Variants in ATP8A2 observed in about 807,000 individuals in gnomAD.
ATP8A2 encodes the protein phospholipid-transporting ATPase IB.
Under a neutral mutation model 165.6 loss-of-function variants are expected in ATP8A2, and 100 were observed. The ratio of observed to expected loss-of-function variants is 0.60; its 90% CI spans 0.51 to 0.71. ATP8A2 has a LOEUF of 0.71. ATP8A2 is among the 30% of genes least tolerant of loss of function. ATP8A2 has a pLI of 0.00. For synonymous variants in ATP8A2, 543 were observed against 548.8 expected, an observed-to-expected ratio of 0.99 and a Z score of 0.15; for missense variants, 1,227 against 1,479.5, an observed-to-expected ratio of 0.83 and a Z score of 2.80.
intron 27 of ATP8A2, among the ~76,000 whole-genome samples, chr13:25,824,331 C>T (rs1356951569): frequency 6.6e-6 from 1 of 152,130 alleles, no homozygotes; most frequent in Non-Finnish European, 1.5e-5. Flanking sequence ...TAACAATGAC[C>T]TCTTCCTATT....
chr13:25,665,014 G>A (rs992132523), intron 24 of ATP8A2, among the ~76,000 whole-genome samples: 3 of 151,134 alleles, frequency 2.0e-5, no homozygotes, highest in Non-Finnish European at 2.9e-5. Flanking sequence ...AAAAAAAGCC[G>A]TCGAGACCAG....
At chr13:25,642,935 C>T (rs1407734284) in intron 24 of ATP8A2, among the ~76,000 whole-genome samples, 1 of 152,074 alleles carries the variant, frequency 6.6e-6, no homozygotes, top group East Asian at 1.9e-4. Context: ...AAGCTGGAAA[C>T]CATTATTCTC....
At chr13:25,881,131 G>A (rs550044429) in intron 33 of ATP8A2, among the ~76,000 whole-genome samples, 1 of 152,116 alleles carries the variant, frequency 6.6e-6, no homozygotes, top group Non-Finnish European at 1.5e-5. Flanking sequence ...CTTTTGTTTG[G>A]GGGGCATTTT....
In ATP8A2 at chr13:26,024,763, T is replaced by C. The variant is rs1001710194; in HGVS notation, c.*4778T>C. On this transcript the variant is annotated 3_prime_UTR_variant, in exon 37 of 37. Transcript: ENST00000381655. The stretch of plus-strand genomic sequence containing the variant: ...GACCAAGAAAAACATGCTCTCAAGA[T>C]TAGCCCATAGGCAGTTCTTGTGACC... 6.6e-6 allele frequency: 1 copy of C among 152,198 alleles called. No individual in the cohort carries two copies. The highest frequency in any genetic ancestry group is 2.4e-5 in the African/African-American group (1 of 41,448). The allele number at this position is 152,198 out of a possible 1,614,324, so 9.4% of individuals were successfully genotyped here.
At chr13:25,543,654 C>T (rs2038554404) in intron 10 of ATP8A2, among the ~76,000 whole-genome samples, 1 of 152,164 alleles carries the variant, frequency 6.6e-6, no homozygotes, top group Non-Finnish European at 1.5e-5. Flanking sequence ...TCAATTCTAA[C>T]TTATTTTATC....
chr13:25,825,085 A>C (rs953065577), intron 27 of ATP8A2, among the ~76,000 whole-genome samples: 1 of 127,724 alleles, frequency 7.8e-6, no homozygotes, highest in African/African-American at 3.0e-5. Context: ...GTTTGCATCT[A>C]TTGTATATCA....
Position 25,695,995 on chromosome 13 carries a change from C to T in ATP8A2, c.2212-3178C>T, listed in dbSNP as rs76891030. Among the ~76,000 whole-genome samples the T allele has an allele frequency of 0.02, 2,975 of 152,302 alleles. 209 individuals carry two copies. In the East Asian group the frequency reaches 0.24, roughly 12 times the overall value. ...ATTGCTGTCTATGGTAGTATGAAATCTATTTCTTAAATAATAAGACTTAAA... is the reference window on the plus strand; with the variant it reads ...ATTGCTGTCTATGGTAGTATGAAATTTATTTCTTAAATAATAAGACTTAAA... On this transcript the variant is annotated intron_variant, in intron 24 of 36. Coordinates refer to ENST00000381655, the MANE Select transcript of ATP8A2 (RefSeq NM_016529.6).
Position 26,012,577 on chromosome 13 carries a change from C to T in ATP8A2, c.3424C>T (p.Pro1142Ser), listed in dbSNP as rs978321783. The T allele has an allele frequency of 3.3e-6, 5 of 1,529,740 alleles. No individual in the cohort carries two copies. Among genetic ancestry groups the T allele is most frequent in the Non-Finnish European group, 4.4e-6 (5 of 1,138,508 alleles). The allele number at this position is 1,529,740 out of a possible 1,614,324, so 94.8% of individuals were successfully genotyped here. Residue 1142 changes from proline to serine, a missense_variant, in exon 36 of 37, where the codon CCC becomes TCC. Around this residue, in one of 5 missense-constraint regions of ATP8A2, gnomAD observed 260 missense variants for 245.1 expected, o/e 1.06. Coordinates refer to ENST00000381655, the MANE Select transcript of ATP8A2 (RefSeq NM_016529.6). Reference protein sequence around the residue: ...RLIKRLGRKTPPTLFRGSSLQ... With the variant: ...RLIKRLGRKTSPTLFRGSSLQ... The stretch of plus-strand genomic sequence containing the variant: ...GATCAAGAGGCTGGGCCGGAAGACG[C>T]CCCCGACGCTGTTCCGGGGCAGCTC...
At position 25,742,101 on chromosome 13, in the gene ATP8A2, A is replaced by G. The variant is rs115896818; in HGVS notation, c.2385-26945A>G. 7.1e-3 allele frequency among the ~76,000 whole-genome samples: 1,089 copies of G among 152,330 alleles called. 14 individuals carry two copies. Among genetic ancestry groups the G allele is most frequent in the African/African-American group, 0.025 (1,022 of 41,572 alleles). On this transcript the variant is annotated intron_variant, in intron 25 of 36. Coordinates refer to ENST00000381655, the MANE Select transcript of ATP8A2 (RefSeq NM_016529.6). The stretch of plus-strand genomic sequence containing the variant: ...CACACAAACCTAGATGAGATAGCCT[A>G]CTACACACCTGGACTGTACGGAATA...
intron 24 of ATP8A2, among the ~76,000 whole-genome samples, chr13:25,616,334 T>C (rs1391144064): frequency 4.3e-5 from 6 of 138,812 alleles, no homozygotes; most frequent in African/African-American, 1.4e-4. Context: ...TTCTTTTTTT[T>C]TTTTTTTTTT....
intron 25 of ATP8A2, among the ~76,000 whole-genome samples, chr13:25,734,798 C>G (rs993482917): frequency 2.4e-4 from 37 of 151,682 alleles, no homozygotes; most frequent in African/African-American, 8.8e-4. Flanking sequence ...ATCACCACAC[C>G]TGGCTAATTT....
intron 25 of ATP8A2, among the ~76,000 whole-genome samples, chr13:25,723,415 C>T (rs1230657069): frequency 6.6e-6 from 1 of 152,084 alleles, no homozygotes; most frequent in Non-Finnish European, 1.5e-5. Context: ...GATGACATTC[C>T]TTATCTTTAG....
intron 1 of ATP8A2, among the ~76,000 whole-genome samples, chr13:25,467,086 C>T (rs1376225071): frequency 2.0e-5 from 3 of 152,210 alleles, no homozygotes; most frequent in South Asian, 2.1e-4. Flanking sequence ...TCTCTGCTGC[C>T]GCTTGTTGAT....
At chr13:25,711,562 A>T (rs3132338) in intron 25 of ATP8A2, among the ~76,000 whole-genome samples, 86,458 of 151,452 alleles carry the variant, frequency 0.57, 25,170 homozygotes, top group Middle Eastern at 0.66. Flanking sequence ...AAAAAAAAAA[A>T]TTTTTTTTAA....
intron 25 of ATP8A2, among the ~76,000 whole-genome samples, chr13:25,751,067 C>G (rs1417182653): frequency 6.6e-6 from 1 of 152,198 alleles, no homozygotes; most frequent in Non-Finnish European, 1.5e-5. Flanking sequence ...TAAAATTTAG[C>G]TTACTGTGCA....
At position 26,007,903 on chromosome 13, in the gene ATP8A2, G is replaced by A. The variant is rs568917273; in HGVS notation, c.3378-4628G>A. Among the ~76,000 whole-genome samples the A allele has an allele frequency of 4.2e-4, 64 of 152,298 alleles. 1 individual carries two copies. The South Asian group carries it at 7.7e-3, about 18-fold the overall frequency. ...CAAATTTTGTAGGGATGCCATTTTA[G>A]TGAAACAGAAACTAGAAAAATTTTT... On this transcript the variant is annotated intron_variant, in intron 35 of 36. Coordinates refer to ENST00000381655, the MANE Select transcript of ATP8A2 (RefSeq NM_016529.6).
intron 35 of ATP8A2, among the ~76,000 whole-genome samples, chr13:25,972,709 T>C (rs367754764): frequency 2.2e-4 from 34 of 152,308 alleles, no homozygotes; most frequent in African/African-American, 8.2e-4. Flanking sequence ...AAATTCTTTG[T>C]TTTTTAATGT....
intron 4 of ATP8A2, among the ~76,000 whole-genome samples, chr13:25,531,936 G>GAAGCA (rs1203476266): frequency 2.0e-5 from 3 of 152,114 alleles, no homozygotes; most frequent in East Asian, 1.9e-4. Context: ...TGTACACATC[G>GAAGCA]AAGCAAAGTT....
intron 1 of ATP8A2, among the ~76,000 whole-genome samples, chr13:25,400,182 C>T (rs1005562926): frequency 2.6e-5 from 4 of 152,132 alleles, no homozygotes; most frequent in African/African-American, 9.7e-5. Context: ...CATCAGCCTC[C>T]TAAAGTGGCT....
Sources: gnomAD v4.1 joint callset for allele counts (sites outside exome capture counted in the v4.1 genomes callset) on GRCh38, gnomAD v4.1.1 for gene constraint, gnomAD v4.1.1 regional missense constraint, MANE v1.5 for transcripts, NCBI Gene and HGNC (gene_info 2026-07-23, HGNC 2026-07-21) for gene names.